The following SLC15A5 variants were observed in gnomAD, a reference collection of about 807,000 sequenced individuals.
SLC15A5 encodes the protein Peptide/histidine transporter ENSP00000340402.
Under a neutral mutation model 56.1 loss-of-function variants are expected in SLC15A5, and 58 were observed. That is an observed-to-expected ratio of 1.03 (90% CI 0.84 to 1.29). The LOEUF is 1.29. SLC15A5 is among the 50% of genes most tolerant of loss of function. The pLI is 0.00. For missense variants in SLC15A5, 681 were observed against 672.1 expected (o/e 1.01, Z -0.15); for synonymous variants, 264 against 250.5 (o/e 1.05, Z -0.51).
intron 2 of SLC15A5, 50 bp from the exon 3 acceptor site, chr12:16,257,920 A>T: frequency 7.7e-7 from 1 of 1,303,238 alleles, no homozygotes. Flanking sequence ...ATTGCTTTAG[A>T]TAACTATTGC....
At position 16,244,766 on chromosome 12, in the gene SLC15A5, A is replaced by G. The variant is rs1288588985; in HGVS notation, c.789T>C (p.Val263=). 1 of 1,537,714 alleles carries G rather than the reference A, an allele frequency of 6.5e-7. No individual in the cohort carries two copies. The highest frequency in any genetic ancestry group is 1.4e-5 in the African/African-American group (1 of 73,048). ...CSLLTGVGVL[V]SALKTCHPQY... ...GCGGGTGGCATGTTTTCAGTGCACT[A>G]ACCAACACCCCAACGCCTGTCAGGA... The change falls in exon 4 of 9, where the codon GTT becomes GTC. Residue 263 remains valine (V), a synonymous_variant. Coordinates refer to ENST00000344941, the MANE Select transcript of SLC15A5 (RefSeq NM_001170798.1).
intron 7 of SLC15A5, among the ~76,000 whole-genome samples, chr12:16,200,388 T>TA (rs1402266192): frequency 1.3e-5 from 2 of 151,872 alleles, no homozygotes; most frequent in Non-Finnish European, 2.9e-5. Context: ...AATGAAATCA[T>TA]AAAAAAATCT....
chr12:16,273,998 G>A (rs1864790340), intron 1 of SLC15A5, among the ~76,000 whole-genome samples: 1 of 150,016 alleles, frequency 6.7e-6, no homozygotes, highest in Admixed American at 6.7e-5. Flanking sequence ...AATAAATTGA[G>A]GTTACACTGT....
At chr12:16,201,133 T>G (rs1863950848) in intron 7 of SLC15A5, among the ~76,000 whole-genome samples, 1 of 152,106 alleles carries the variant, frequency 6.6e-6, no homozygotes, top group Non-Finnish European at 1.5e-5. Context: ...TGGAAATACT[T>G]AAGGACCAAT....
Position 16,224,622 on chromosome 12 carries a change from A to C in SLC15A5, c.1163-20T>G. On this transcript the variant is annotated intron_variant, in intron 5 of 8. Coordinates refer to ENST00000344941, the MANE Select transcript of SLC15A5 (RefSeq NM_001170798.1). ...CAGCAACTGAAGGAAAATAATGCAA[A>C]AGAAAAAAAAGTTAAACGAAGAGCT... 1 of 1,519,250 alleles carries C rather than the reference A, an allele frequency of 6.6e-7. No individual in the cohort carries two copies. The highest frequency in any genetic ancestry group is 8.8e-7 in the Non-Finnish European group (1 of 1,137,410). 94.1% of individuals were successfully genotyped at this position (1,519,250 alleles called of 1,614,324 possible).
chr12:16,204,654 C>T (rs74855331), intron 7 of SLC15A5, among the ~76,000 whole-genome samples: 1,581 of 151,822 alleles, frequency 0.01, 71 homozygotes, highest in Admixed American at 0.077. Context: ...GACAGAAAGC[C>T]CTGAAACTGT....
At position 16,244,669 on chromosome 12, in the gene SLC15A5, T is replaced by G. The variant is rs1353953614; in HGVS notation, c.886A>C (p.Ser296Arg). Reference protein sequence around the residue: ...HAKEKNGGCYSELHVEDTTFF... With the variant: ...HAKEKNGGCYRELHVEDTTFF... Reference sequence around the variant, plus strand: ...GTTGTGTCTTCTACATGGAGCTCACTGTAGCAGCCACCATTTTTTTCTTTG... The same window carrying G: ...GTTGTGTCTTCTACATGGAGCTCACGGTAGCAGCCACCATTTTTTTCTTTG... Residue 296 changes from serine (S) to arginine (R), a missense_variant, in exon 4 of 9, where the codon AGT (serine) becomes CGT (arginine). Transcript: ENST00000344941. 3.3e-6 allele frequency: 5 copies of G among 1,537,388 alleles called. No individual in the cohort carries two copies. The highest frequency in any genetic ancestry group is 4.4e-6 in the Non-Finnish European group (5 of 1,146,984).
chr12:16,195,407 G>A (rs1479193475), intron 7 of SLC15A5, among the ~76,000 whole-genome samples: 2 of 152,062 alleles, frequency 1.3e-5, no homozygotes, highest in Non-Finnish European at 2.9e-5. Flanking sequence ...ATTACCAAAT[G>A]TATTTACATT....
chr12:16,259,021 TTCC>T (rs1864610772), intron 2 of SLC15A5, among the ~76,000 whole-genome samples: 5 of 92,726 alleles, frequency 5.4e-5, no homozygotes, highest in Non-Finnish European at 7.9e-5. Context: ...TTTTCTTTCT[TTCC>T]TTTTTTTTTT....
chr12:16,265,691 C>T lies in SLC15A5; in HGVS notation c.584+6870G>A, dbSNP rs140951393. On this transcript the variant is annotated intron_variant, in intron 2 of 8. Transcript: ENST00000344941. ...AGAGATGGGGTTTTGCCATTTTGCC[C>T]GGGCTGGTCTTGAACTCCTGAGCTC... is the stretch of plus-strand genomic sequence containing the variant. Among the ~76,000 whole-genome samples, 495 of 152,054 alleles carry T rather than the reference C, an allele frequency of 3.3e-3. 1 individual carries two copies. The highest frequency in any genetic ancestry group is 5.2e-3 in the Non-Finnish European group (355 of 68,000).
At chr12:16,195,404 A>G (rs1863883984) in intron 7 of SLC15A5, among the ~76,000 whole-genome samples, 1 of 152,142 alleles carries the variant, frequency 6.6e-6, no homozygotes, top group Non-Finnish European at 1.5e-5. Flanking sequence ...AGTATTACCA[A>G]ATGTATTTAC....
rs1281003629 is a variant in SLC15A5 at position 16,225,448 on chromosome 12, G to A, written c.1163-846C>T. Among the ~76,000 whole-genome samples the A allele has an allele frequency of 9.2e-5, 14 of 152,218 alleles. No homozygotes were observed. The East Asian group carries it at 2.5e-3, about 27-fold the overall frequency. On this transcript the variant is annotated intron_variant, in intron 5 of 8. Coordinates refer to ENST00000344941, the MANE Select transcript of SLC15A5 (RefSeq NM_001170798.1). ...GCAATGGCAACAAAAGCCAAAATTG[G>A]CAAATGGGATCTAATTAAACTCAAG...
chr12:16,192,092 A>G (rs1298669047), intron 8 of SLC15A5, among the ~76,000 whole-genome samples: 2 of 152,088 alleles, frequency 1.3e-5, no homozygotes, highest in African/African-American at 4.8e-5. Context: ...TGGTCAGTTT[A>G]TTTAACTAGC....
At chr12:16,193,810 A>C (rs1264404004) in intron 8 of SLC15A5, among the ~76,000 whole-genome samples, 13 of 127,582 alleles carry the variant, frequency 1.0e-4, no homozygotes, top group Non-Finnish European at 1.2e-4. Context: ...AGAGAGAGAG[A>C]GAGAGAGAGA....
Position 16,267,948 on chromosome 12 carries a change from C to T in SLC15A5, c.584+4613G>A, listed in dbSNP as rs1250469424. On this transcript the variant is annotated intron_variant, in intron 2 of 8. Transcript: ENST00000344941. ...TTTGGTAGAGATGGGGTTACTCAGG[C>T]TTGTCTCGAACCCCTGGCCTTGAGT... 5.3e-5 allele frequency among the ~76,000 whole-genome samples: 6 copies of T among 112,228 alleles called. 1 individual carries two copies. The highest frequency in any genetic ancestry group is 1.1e-4 in the Non-Finnish European group (6 of 53,452). 73.6% of individuals were successfully genotyped at this position (112,228 alleles called of 152,430 possible). A position where few individuals can be genotyped will look rare whatever the true frequency, so the allele number is the denominator to read the frequency against.
chr12:16,229,979 G>C (rs1307197542), intron 5 of SLC15A5, among the ~76,000 whole-genome samples: 2 of 152,024 alleles, frequency 1.3e-5, no homozygotes, highest in Non-Finnish European at 2.9e-5. Context: ...GATGTGAAAG[G>C]CTTAGTCATG....
rs181884294 is a variant in SLC15A5, at chr12:16,214,151, T to G, written c.1483+2742A>C. Among the ~76,000 whole-genome samples the G allele has an allele frequency of 2.7e-3, 416 of 152,324 alleles. 2 individuals carry two copies. Among genetic ancestry groups the G allele is most frequent in the Non-Finnish European group, 1.3e-3 (90 of 68,022 alleles). On this transcript the variant is annotated intron_variant, in intron 7 of 8. Coordinates refer to ENST00000344941, the MANE Select transcript of SLC15A5 (RefSeq NM_001170798.1). ...AAAAATTAGAATAATAATGTAAGGT[T>G]GTTGTAATAAATGCAATAATGCATG... is the stretch of plus-strand genomic sequence containing the variant.
chr12:16,256,643 A>C (rs1418639307), intron 3 of SLC15A5, among the ~76,000 whole-genome samples: 1 of 152,036 alleles, frequency 6.6e-6, no homozygotes. Flanking sequence ...ACAGATCACG[A>C]GGTCAGGAGA....
intron 6 of SLC15A5, among the ~76,000 whole-genome samples, chr12:16,223,995 C>T (rs1630860): frequency 2.0e-5 from 3 of 152,082 alleles, no homozygotes; most frequent in Non-Finnish European, 4.4e-5. Context: ...GGATTACAGG[C>T]GTGAGCCACC....
Sources: gnomAD v4.1 joint callset for allele counts (sites outside exome capture counted in the v4.1 genomes callset) on GRCh38, gnomAD v4.1.1 for gene constraint, MANE v1.5 for transcripts, NCBI Gene and HGNC (gene_info 2026-07-23, HGNC 2026-07-21) for gene names.